The following AKAP12 variants were observed in gnomAD, a reference collection of about 807,000 sequenced individuals.
AKAP12 encodes the protein A-kinase anchor protein 12.
In AKAP12, 32 loss-of-function variants were observed where a neutral mutation model predicts 79.9. That is an observed-to-expected ratio of 0.40 (90% CI 0.30 to 0.54). The LOEUF is 0.54. AKAP12 is among the 20% of genes least tolerant of loss of function. The pLI is 0.48. For missense variants in AKAP12, 2,074 were observed against 2,177.0 expected (o/e 0.95, Z 0.94); for synonymous variants, 808 against 857.0 (o/e 0.94, Z 1.00).
intron 3 of AKAP12, among the ~76,000 whole-genome samples, chr6:151,339,501 C>T (rs764064399): frequency 1.3e-5 from 2 of 152,160 alleles, no homozygotes; most frequent in African/African-American, 2.4e-5. Context: ...CTTGCCCCAA[C>T]GTCTGCATAG....
intron 2 of AKAP12, among the ~76,000 whole-genome samples, chr6:151,249,212 G>A (rs1362056991): frequency 6.6e-6 from 1 of 152,114 alleles, no homozygotes. Context: ...TTAGTTTATG[G>A]CATTTGACTG....
At chr6:151,290,759 C>T (rs1023660101) in intron 2 of AKAP12, among the ~76,000 whole-genome samples, 1 of 152,170 alleles carries the variant, frequency 6.6e-6, no homozygotes, top group Non-Finnish European at 1.5e-5. Flanking sequence ...GCATGCGCCA[C>T]CATGCCAGGC....
intron 3 of AKAP12, among the ~76,000 whole-genome samples, chr6:151,321,799 A>G (rs534135950): frequency 3.3e-5 from 5 of 151,858 alleles, no homozygotes; most frequent in African/African-American, 9.7e-5. Flanking sequence ...TACCTTCCCA[A>G]TAGCGATGTG....
chr6:151,354,146 G>A (rs1391372329), intron 4 of AKAP12, among the ~76,000 whole-genome samples: 6 of 149,040 alleles, frequency 4.0e-5, no homozygotes, highest in South Asian at 2.1e-4. Context: ...TCACGACTCC[G>A]TCTCAAAAAA....
intron 2 of AKAP12, among the ~76,000 whole-genome samples, chr6:151,296,173 G>C (rs1348752799): frequency 6.6e-6 from 1 of 152,182 alleles, no homozygotes; most frequent in Non-Finnish European, 1.5e-5. Flanking sequence ...AGCAGGAAGA[G>C]AGCTCTGGAG....
In AKAP12 at chr6:151,249,458, G is replaced by T. The variant is rs561766207; in HGVS notation, c.162+8734G>T. ...GCCTCCCAAAGTGCTGGGTTACAGG[G>T]TGAGCCACCTACGCCTGGCCATTTC... On this transcript the variant is annotated intron_variant, in intron 2 of 4. Transcript: ENST00000402676. Among the ~76,000 whole-genome samples, 4 of 152,310 alleles carry T rather than the reference G, an allele frequency of 2.6e-5. No individual in the cohort carries two copies. In the South Asian group the frequency reaches 8.3e-4, roughly 32 times the overall value.
rs779187004 is a variant in AKAP12 at position 151,352,993 on chromosome 6, G to C, written c.4602G>C (p.Glu1534Asp). 1 of 1,608,408 alleles carries C rather than the reference G, an allele frequency of 6.2e-7. No individual in the cohort carries two copies. Among genetic ancestry groups the C allele is most frequent in the Non-Finnish European group, 8.5e-7 (1 of 1,176,120 alleles). ...VKVSVAIEDL[E>D]PENGILELET... is the part of the protein sequence containing the mutation. Reference sequence around the variant, plus strand: ...TGAGTGTAGCAATTGAGGATTTAGAGCCTGAAAATGGGATTTTGGAACTTG... The same window carrying C: ...TGAGTGTAGCAATTGAGGATTTAGACCCTGAAAATGGGATTTTGGAACTTG... The change falls in exon 4 of 5, where the codon GAG becomes GAC. Residue 1534 changes from glutamate (E) to aspartate (D), a missense_variant. Glu to Asp is a conservative substitution (Grantham distance 45). Coordinates refer to ENST00000402676, the MANE Select transcript of AKAP12 (RefSeq NM_005100.4).
chr6:151,348,681 C>CCTCT, intron 3 of AKAP12, 30 bp from the exon 4 acceptor site: 2 of 218,350 alleles, frequency 9.2e-6, no homozygotes, highest in South Asian at 1.0e-4. Context: ...TTTCTCTTCT[C>CCTCT]CCCACCCCCC....
chr6:151,308,943 T>C (rs968178486), intron 3 of AKAP12, among the ~76,000 whole-genome samples: 1 of 152,178 alleles, frequency 6.6e-6, no homozygotes, highest in African/African-American at 2.4e-5. Flanking sequence ...GGCGTGATCT[T>C]GGCTCACTGC....
rs1414894058 is a variant in AKAP12 at position 151,352,058 on chromosome 6, G to A, written c.3667G>A (p.Ala1223Thr). The A allele has an allele frequency of 6.2e-7, 1 of 1,613,994 alleles. No homozygotes were observed. The highest frequency in any genetic ancestry group is 1.3e-5 in the African/African-American group (1 of 74,900). The stretch of plus-strand genomic sequence containing the variant: ...TCCTGCACAGAAAGAGAGGCCTCCA[G>A]CACCTTCCAGTTTTGTGTTCCAGGA... ...AVPAQKERPPAPSSFVFQEET... is the reference protein window; with the variant it reads ...AVPAQKERPPTPSSFVFQEET... The change falls in exon 4 of 5, where the codon GCA (alanine) becomes ACA (threonine). Residue 1223 changes from alanine (A) to threonine (T), a missense_variant. Coordinates refer to ENST00000402676, the MANE Select transcript of AKAP12 (RefSeq NM_005100.4).
chr6:151,347,050 G>A (rs552311266), intron 3 of AKAP12, among the ~76,000 whole-genome samples: 92 of 152,072 alleles, frequency 6.0e-4, no homozygotes, highest in Non-Finnish European at 1.1e-3. Flanking sequence ...ATGTGCCATC[G>A]TGGTGACAAT....
intron 2 of AKAP12, among the ~76,000 whole-genome samples, chr6:151,294,510 T>C (rs1776684631): frequency 6.6e-6 from 1 of 152,216 alleles, no homozygotes; most frequent in African/African-American, 2.4e-5. Context: ...AATGAGCTTC[T>C]CTCTGTCCTA....
At chr6:151,338,999 G>A (rs1007116947) in intron 3 of AKAP12, among the ~76,000 whole-genome samples, 3 of 152,094 alleles carry the variant, frequency 2.0e-5, no homozygotes, top group Admixed American at 1.3e-4. Flanking sequence ...ATGGATGCTC[G>A]GGCCGATCTT....
intron 2 of AKAP12, among the ~76,000 whole-genome samples, chr6:151,259,410 A>G (rs1231758468): frequency 6.7e-6 from 1 of 149,398 alleles, no homozygotes; most frequent in Non-Finnish European, 1.5e-5. Flanking sequence ...ATATATATTT[A>G]TATATGTATA....
At chr6:151,259,853 A>G (rs1017972802) in intron 2 of AKAP12, among the ~76,000 whole-genome samples, 3 of 151,822 alleles carry the variant, frequency 2.0e-5, no homozygotes, top group Admixed American at 6.6e-5. Context: ...CCGGGATTAC[A>G]GGCATGAGCC....
Position 151,356,587 on chromosome 6 carries a change from C to T in AKAP12, c.*873C>T, listed in dbSNP as rs888992804. 3 of 152,214 alleles carry T rather than the reference C, an allele frequency of 2.0e-5. No individual in the cohort carries two copies. The highest frequency in any genetic ancestry group is 7.2e-5 in the African/African-American group (3 of 41,456). 9.4% of individuals were successfully genotyped at this position (152,214 alleles called of 1,614,324 possible). A position where few individuals can be genotyped will look rare whatever the true frequency, so the allele number is the denominator to read the frequency against. On this transcript the variant is annotated 3_prime_UTR_variant, in exon 5 of 5. Transcript: ENST00000402676. ...ATTGTTGTAAGTTTTTGATTCTACTCTTATATGCTGGACTGCATTCACACA... is the reference window on the plus strand; with the variant it reads ...ATTGTTGTAAGTTTTTGATTCTACTTTTATATGCTGGACTGCATTCACACA...
chr6:151,243,883 C>T (rs1276717461), intron 2 of AKAP12, among the ~76,000 whole-genome samples: 1 of 152,122 alleles, frequency 6.6e-6, no homozygotes, highest in African/African-American at 2.4e-5. Context: ...ATTAAGGTGG[C>T]AACATATTCA....
chr6:151,262,717 C>T (rs1203643120), intron 2 of AKAP12, among the ~76,000 whole-genome samples: 1 of 152,028 alleles, frequency 6.6e-6, no homozygotes, highest in Admixed American at 6.6e-5. Flanking sequence ...TTTTCTTCTT[C>T]CCTCCCCACC....
chr6:151,334,281 T>C (rs2101241), intron 3 of AKAP12, among the ~76,000 whole-genome samples: 3,143 of 152,238 alleles, frequency 0.021, 41 homozygotes, highest in Non-Finnish European at 0.031. Flanking sequence ...CAATGTCACA[T>C]TCAGCTTCAC....
Sources: gnomAD v4.1 joint callset for allele counts (sites outside exome capture counted in the v4.1 genomes callset) on GRCh38, gnomAD v4.1.1 for gene constraint, MANE v1.5 for transcripts, NCBI Gene and HGNC (gene_info 2026-07-23, HGNC 2026-07-21) for gene names.